MBD5: variants seen among roughly 807,000 people sequenced by gnomAD.
MBD5 encodes the protein methyl-CpG binding domain protein 5.
Under a neutral mutation model 117.3 loss-of-function variants are expected in MBD5, and 13 were observed. The observed-to-expected ratio is 0.11, with a 90% CI of 0.07 to 0.18. MBD5 has a LOEUF of 0.18. Ranked by LOEUF, MBD5 falls within the 10% of genes least tolerant of loss-of-function variation. The pLI, the probability that MBD5 is intolerant of heterozygous loss-of-function variation, is 1.00. For synonymous variants in MBD5, 727 were observed against 766.4 expected, an observed-to-expected ratio of 0.95 and a Z score of 0.85; for missense variants, 1,879 against 2,093.8, an observed-to-expected ratio of 0.90 and a Z score of 2.00.
At chr2:148,050,879 A>T (rs192430674) in intron 1 of MBD5, among the ~76,000 whole-genome samples, 3 of 152,196 alleles carry the variant, frequency 2.0e-5, no homozygotes, top group Non-Finnish European at 4.4e-5. Flanking sequence ...GATTTTTCTA[A>T]GATTGTTTTA....
intron 1 of MBD5, among the ~76,000 whole-genome samples, chr2:148,031,982 C>G (rs550990895): frequency 3.9e-5 from 6 of 152,106 alleles, no homozygotes; most frequent in African/African-American, 1.4e-4. Context: ...TTCCAGGTAC[C>G]CCTATGATGT....
intron 4 of MBD5, among the ~76,000 whole-genome samples, chr2:148,445,238 T>C (rs1706453048): frequency 6.6e-6 from 1 of 151,182 alleles, no homozygotes; most frequent in Non-Finnish European, 1.5e-5. Context: ...CTGCACCCAT[T>C]AACTCGTCAT....
chr2:148,323,125 T>C (rs1423227135), intron 3 of MBD5, among the ~76,000 whole-genome samples: 1 of 151,980 alleles, frequency 6.6e-6, no homozygotes, highest in African/African-American at 2.4e-5. Flanking sequence ...GATAGTTTAC[T>C]GAGAATGATG....
At chr2:148,093,644 G>T (rs531161816) in intron 1 of MBD5, among the ~76,000 whole-genome samples, 115 of 151,998 alleles carry the variant, frequency 7.6e-4, no homozygotes, top group African/African-American at 2.7e-3. Flanking sequence ...TAGTATATAG[G>T]TTTTTATATA....
chr2:148,113,831 G>A (rs931766118), intron 1 of MBD5, among the ~76,000 whole-genome samples: 4 of 152,042 alleles, frequency 2.6e-5, no homozygotes, highest in Non-Finnish European at 5.9e-5. Context: ...AAGAAAAAGA[G>A]GAAATAAAAA....
chr2:148,374,779 T>A (rs1046420466), intron 4 of MBD5, among the ~76,000 whole-genome samples: 2 of 152,194 alleles, frequency 1.3e-5, no homozygotes, highest in African/African-American at 4.8e-5. Context: ...CAAATTATAC[T>A]ATCCTCTTGA....
At chr2:148,447,178 G>GGAGAGAAAGAAAGAAA (rs1706570581) in intron 4 of MBD5, among the ~76,000 whole-genome samples, 1 of 137,650 alleles carries the variant, frequency 7.3e-6, no homozygotes, top group African/African-American at 2.9e-5. Context: ...AAAGGAAGAA[G>GGAGAGAAAGAAAGAAA]GAAAGAAAGA....
intron 4 of MBD5, among the ~76,000 whole-genome samples, chr2:148,420,739 G>A (rs1213464158): frequency 6.6e-6 from 1 of 150,430 alleles, no homozygotes; most frequent in Non-Finnish European, 1.5e-5. Flanking sequence ...GTTTTGTTTT[G>A]TTTTGTGACA....
At chr2:148,310,839 C>T (rs554353170) in intron 3 of MBD5, among the ~76,000 whole-genome samples, 5 of 152,154 alleles carry the variant, frequency 3.3e-5, no homozygotes, top group African/African-American at 4.8e-5. Flanking sequence ...GATTCTGGTA[C>T]ATTGTGTTTT....
At chr2:148,247,492 T>C (rs1700366267) in intron 3 of MBD5, among the ~76,000 whole-genome samples, 1 of 152,170 alleles carries the variant, frequency 6.6e-6, no homozygotes, top group African/African-American at 2.4e-5. Context: ...GAGAAGATAG[T>C]AGCCCAAAGC....
chr2:148,424,361 C>T lies in MBD5; in HGVS notation c.-556-33842C>T, dbSNP rs371828227. ...ATCCTAAATATATATGCACCCAATA[C>T]GGGAGCACCCAGACTCATAAAGCAA... On this transcript the variant is annotated intron_variant, in intron 4 of 13. Coordinates refer to ENST00000642680, the MANE Select transcript of MBD5 (RefSeq NM_001378120.1). 2.5e-4 allele frequency among the ~76,000 whole-genome samples: 38 copies of T among 151,782 alleles called. 1 individual carries two copies. The highest frequency in any genetic ancestry group is 3.4e-3 in the Middle Eastern group (1 of 294).
chr2:148,267,990 C>T (rs1700899323), intron 3 of MBD5, among the ~76,000 whole-genome samples: 1 of 144,032 alleles, frequency 6.9e-6, no homozygotes. Context: ...CACTTTTTCA[C>T]CCAGGCTGGA....
At chr2:148,042,272 T>C (rs1694381455) in intron 1 of MBD5, among the ~76,000 whole-genome samples, 1 of 152,194 alleles carries the variant, frequency 6.6e-6, no homozygotes, top group Non-Finnish European at 1.5e-5. Context: ...TCTCTGTCCT[T>C]TCTTGGCAAT....
At chr2:148,474,251 T>G (rs1680886889) in intron 8 of MBD5, among the ~76,000 whole-genome samples, 1 of 152,196 alleles carries the variant, frequency 6.6e-6, no homozygotes, top group African/African-American at 2.4e-5. Flanking sequence ...TCTTTAATCC[T>G]CTGACTACTG....
chr2:148,069,862 A>G (rs1169403586), intron 1 of MBD5, among the ~76,000 whole-genome samples: 5 of 152,106 alleles, frequency 3.3e-5, no homozygotes, highest in Non-Finnish European at 5.9e-5. Flanking sequence ...GTATTTTTTT[A>G]CATACATAGA....
intron 3 of MBD5, chr2:148,243,954 C>T (rs151074298): frequency 7.9e-5 from 12 of 151,524 alleles, no homozygotes; most frequent in Non-Finnish European, 1.8e-4. Flanking sequence ...TTCTGAATTA[C>T]AAGTGATCTT....
At chr2:148,047,478 G>T (rs1214478301) in intron 1 of MBD5, among the ~76,000 whole-genome samples, 1 of 152,298 alleles carries the variant, frequency 6.6e-6, no homozygotes, top group Admixed American at 6.5e-5. Flanking sequence ...CCAGAATTAA[G>T]CAGATAATAC....
intron 3 of MBD5, among the ~76,000 whole-genome samples, chr2:148,248,864 A>G (rs942066106): frequency 6.6e-6 from 1 of 152,088 alleles, no homozygotes; most frequent in Non-Finnish European, 1.5e-5. Context: ...AAAAGAGGAT[A>G]TAAAATTAGG....
intron 1 of MBD5, among the ~76,000 whole-genome samples, chr2:148,140,264 A>T (rs940171938): frequency 6.6e-6 from 1 of 152,172 alleles, no homozygotes; most frequent in African/African-American, 2.4e-5. Context: ...TTTGCTTTGA[A>T]TTTTAGACAA....
Sources: gnomAD v4.1 joint callset for allele counts (sites outside exome capture counted in the v4.1 genomes callset) on GRCh38, gnomAD v4.1.1 for gene constraint, MANE v1.5 for transcripts, NCBI Gene and HGNC (gene_info 2026-07-23, HGNC 2026-07-21) for gene names.